The following IL1RL2 variants were observed in gnomAD, a reference collection of about 807,000 sequenced individuals.
The protein encoded by IL1RL2 is interleukin-1 receptor-like 2.
IL1RL2 carries 68 observed loss-of-function variants against 66.8 expected under a neutral mutation model. That is an observed-to-expected ratio of 1.02 (90% CI 0.84 to 1.25). The LOEUF (loss-of-function observed/expected upper bound fraction) is 1.25. Among genes scored for constraint, IL1RL2 ranks in the 50% most tolerant of loss-of-function variants. The pLI is 0.00. For missense variants in IL1RL2, 729 were observed against 709.3 expected, an observed-to-expected ratio of 1.03 and a Z score of -0.32; for synonymous variants, 305 against 264.6, an observed-to-expected ratio of 1.15 and a Z score of -1.48.
chr2:102,219,931 T>C lies in IL1RL2; in HGVS notation c.905T>C (p.Phe302Ser). The change falls in exon 8 of 12, where the codon TTC becomes TCC. Residue 302 changes from phenylalanine (F) to serine (S), a missense_variant. Phe to Ser is a radical substitution (Grantham distance 155). Coordinates refer to ENST00000264257, the MANE Select transcript of IL1RL2 (RefSeq NM_003854.4). ...EHNLYTVNIT[F>S]LEVKMEDYGL... The stretch of plus-strand genomic sequence containing the variant: ...AATTTGTACACAGTAAACATCACCT[T>C]CTTGGAAGTGAAAATGGAAGATTAT... 1.9e-5 allele frequency: 31 copies of C among 1,613,730 alleles called. No individual in the cohort carries two copies. The highest frequency in any genetic ancestry group is 2.5e-5 in the Non-Finnish European group (30 of 1,179,648).
chr2:102,187,802 T>TCGGGCC, intron 1 of IL1RL2, 54 bp from the exon 2 acceptor site: 1 of 1,490,776 alleles, frequency 6.7e-7, no homozygotes, highest in Non-Finnish European at 9.4e-7. Flanking sequence ...CGCCGGCGCC[T>TCGGGCC]CGGGCCCGCC....
chr2:102,187,596 C>A (rs1686798148), intron 1 of IL1RL2, among the ~76,000 whole-genome samples: 1 of 152,192 alleles, frequency 6.6e-6, no homozygotes, highest in African/African-American at 2.4e-5. Context: ...CCCACCGCCG[C>A]CGCCGCCTAC....
intron 9 of IL1RL2, among the ~76,000 whole-genome samples, chr2:102,228,925 G>A (rs577497633): frequency 6.0e-4 from 91 of 152,290 alleles, no homozygotes; most frequent in African/African-American, 1.9e-3. Context: ...ATGGTGTAGG[G>A]AAGCTTGACT....
rs1399002280 is a variant in IL1RL2, at chr2:102,225,955, T to C, written c.1049T>C (p.Val350Ala). The change falls in exon 9 of 12, where the codon GTG becomes GCG. Residue 350 changes from valine to alanine, a missense_variant. Transcript: ENST00000264257. The stretch of plus-strand genomic sequence containing the variant: ...CTTATCGCCTTGGTGGCTGTGGCTG[T>C]GTCTGTTGTGTACATATACAACATT... Reference protein sequence around the residue: ...GGLIALVAVAVSVVYIYNIFK... With the variant: ...GGLIALVAVAASVVYIYNIFK... The C allele has an allele frequency of 1.2e-6, 2 of 1,610,956 alleles. No homozygotes were observed.
At chr2:102,192,223 G>T (rs3213734) in intron 4 of IL1RL2, 103 bp downstream of exon 4, 16 of 725,810 alleles carry the variant, frequency 2.2e-5, no homozygotes, top group Non-Finnish European at 2.9e-5. Flanking sequence ...GGTAAAGAAA[G>T]TTGTGTGCCT....
intron 10 of IL1RL2, 56 bp downstream of exon 10, chr2:102,233,180 T>C (rs1049220976): frequency 6.6e-7 from 1 of 1,524,612 alleles, no homozygotes; most frequent in African/African-American, 1.4e-5. Context: ...GCGACCCCTC[T>C]GTTCCTCCAC....
chr2:102,201,336 TAC>T (rs138237710), intron 4 of IL1RL2, among the ~76,000 whole-genome samples: 65 of 152,102 alleles, frequency 4.3e-4, no homozygotes, highest in Middle Eastern at 6.8e-3. Context: ...CATATATATG[TAC>T]ACACACACAC....
At chr2:102,242,761 T>TAATCTG (rs1675260698), downstream of IL1RL2, among the ~76,000 whole-genome samples, 1 of 152,192 alleles carries the variant, frequency 6.6e-6, no homozygotes, top group Non-Finnish European at 1.5e-5. Flanking sequence ...AAATAATGTT[T>TAATCTG]AATCTGGGCA....
intron 3 of IL1RL2, 128 bp from the exon 4 acceptor site, chr2:102,191,797 T>G: frequency 4.8e-6 from 3 of 630,156 alleles, no homozygotes; most frequent in Non-Finnish European, 8.2e-6. Context: ...GGATGCTTAG[T>G]GCTTTGTTAG....
At position 102,233,674 on chromosome 2, in the gene IL1RL2, T is replaced by C. The variant is rs545904111; in HGVS notation, c.1297+550T>C. Among the ~76,000 whole-genome samples the C allele has an allele frequency of 1.4e-4, 21 of 152,190 alleles. No individual in the cohort carries two copies. The East Asian group carries it at 3.9e-3, about 28-fold the overall frequency. ...AGTTAACTTCTCTCAACCTCAGTTGTCTCATCTGTAAAATGGGGATGGGGT... is the reference window on the plus strand; with the variant it reads ...AGTTAACTTCTCTCAACCTCAGTTGCCTCATCTGTAAAATGGGGATGGGGT... On this transcript the variant is annotated intron_variant, in intron 10 of 11. Coordinates refer to ENST00000264257, the MANE Select transcript of IL1RL2 (RefSeq NM_003854.4).
intron 8 of IL1RL2, among the ~76,000 whole-genome samples, chr2:102,223,805 TG>T (rs1690355427): frequency 6.6e-6 from 1 of 151,944 alleles, no homozygotes; most frequent in East Asian, 1.9e-4. Context: ...AAGGGAGAGG[TG>T]GCAATGTTAC....
intron 2 of IL1RL2, among the ~76,000 whole-genome samples, chr2:102,188,474 G>A (rs1218991641): frequency 6.6e-6 from 1 of 150,538 alleles, no homozygotes; most frequent in Non-Finnish European, 1.5e-5. Context: ...TGTAGTCCCA[G>A]CTACTCAAGA....
At chr2:102,193,778 T>G (rs1559528176) in intron 4 of IL1RL2, among the ~76,000 whole-genome samples, 1 of 152,246 alleles carries the variant, frequency 6.6e-6, no homozygotes, top group African/African-American at 2.4e-5. Context: ...TCCTTAATTA[T>G]TAGTGAGATT....
At chr2:102,205,481 T>A (rs1229388308) in intron 5 of IL1RL2, among the ~76,000 whole-genome samples, 1 of 152,184 alleles carries the variant, frequency 6.6e-6, no homozygotes, top group Non-Finnish European at 1.5e-5. Context: ...TCTGGGAAAG[T>A]CTATTTCTTC....
intron 5 of IL1RL2, among the ~76,000 whole-genome samples, chr2:102,206,533 T>A (rs1488044959): frequency 6.6e-6 from 1 of 152,188 alleles, no homozygotes; most frequent in Non-Finnish European, 1.5e-5. Context: ...GAGAATTCTC[T>A]AGATATCAGG....
At chr2:102,226,205 A>G (rs13416449) in intron 9 of IL1RL2, among the ~76,000 whole-genome samples, 164 bp downstream of exon 9, 24,080 of 152,216 alleles carry the variant, frequency 0.16, 2,369 homozygotes, top group Admixed American at 0.29. Flanking sequence ...TTTGTCCCTA[A>G]TCACCAGCAT....
At chr2:102,205,906 C>T (rs1688661645) in intron 5 of IL1RL2, among the ~76,000 whole-genome samples, 1 of 152,102 alleles carries the variant, frequency 6.6e-6, no homozygotes, top group South Asian at 2.1e-4. Flanking sequence ...ATTCTGTATG[C>T]AATGCTTCAT....
At chr2:102,188,670 T>C (rs1308028346) in intron 2 of IL1RL2, among the ~76,000 whole-genome samples, 2 of 150,308 alleles carry the variant, frequency 1.3e-5, no homozygotes, top group Admixed American at 6.6e-5. Flanking sequence ...CGTTTTGGGA[T>C]GAAATACCTT....
intron 9 of IL1RL2, among the ~76,000 whole-genome samples, chr2:102,229,092 G>T (rs1271505193): frequency 6.6e-6 from 1 of 152,212 alleles, no homozygotes; most frequent in East Asian, 1.9e-4. Flanking sequence ...CCACTGTTCT[G>T]GTTTCATCAG....
Sources: allele counts gnomAD v4.1 joint callset (sites outside exome capture counted in the v4.1 genomes callset), GRCh38; gene constraint gnomAD v4.1.1; transcripts MANE v1.5; gene names NCBI Gene and HGNC (gene_info 2026-07-23, HGNC 2026-07-21).